SDCCAG8: variants seen among roughly 807,000 people sequenced by gnomAD.
SDCCAG8 encodes SHH signaling and ciliogenesis regulator SDCCAG8, also known as serologically defined colon cancer antigen 8.
Under a neutral mutation model 101.8 loss-of-function variants are expected in SDCCAG8, and 74 were observed. The ratio of observed to expected loss-of-function variants is 0.73; its 90% CI spans 0.60 to 0.88. The LOEUF is 0.88. Ranked by LOEUF, SDCCAG8 falls within the 40% of genes least tolerant of loss-of-function variation. The pLI is 0.00. For missense variants in SDCCAG8, 787 were observed against 822.6 expected (o/e 0.96, Z 0.53); for synonymous variants, 281 against 292.9 (o/e 0.96, Z 0.41).
chr1:243,299,650 G>T (rs2071298715), intron 6 of SDCCAG8, among the ~76,000 whole-genome samples: 1 of 152,112 alleles, frequency 6.6e-6, no homozygotes, highest in Admixed American at 6.6e-5. Context: ...CTAACCTCAG[G>T]TGATCCGCCT....
At chr1:243,272,652 A>G (rs2068188811) in intron 3 of SDCCAG8, among the ~76,000 whole-genome samples, 1 of 152,228 alleles carries the variant, frequency 6.6e-6, no homozygotes, top group Non-Finnish European at 1.5e-5. Flanking sequence ...GACCTTCACT[A>G]AGAGAATCAG....
chr1:243,388,047 T>G (rs2078428710), intron 13 of SDCCAG8, among the ~76,000 whole-genome samples: 1 of 152,160 alleles, frequency 6.6e-6, no homozygotes, highest in Non-Finnish European at 1.5e-5. Flanking sequence ...AAATTAATTG[T>G]TTGACCTCCC....
At chr1:243,406,446 A>G (rs1489063696) in intron 13 of SDCCAG8, among the ~76,000 whole-genome samples, 1 of 152,184 alleles carries the variant, frequency 6.6e-6, no homozygotes, top group East Asian at 1.9e-4. Context: ...GTATCTACCT[A>G]TGGTATCTAC....
rs1010363202 is a variant in SDCCAG8, at chr1:243,271,822, G to A, written c.306+759G>A. Among the ~76,000 whole-genome samples, 4 of 152,240 alleles carry A rather than the reference G, an allele frequency of 2.6e-5. No homozygotes were observed. The South Asian group carries it at 6.2e-4, about 24-fold the overall frequency. ...GCCTCCCAAAGCACCGGGATTATAG[G>A]TGTGAGCCACCGCGCCTGGCCTCAA... On this transcript the variant is annotated intron_variant, in intron 3 of 17. Transcript: ENST00000366541.
At chr1:243,419,406 G>A (rs1281662965) in intron 15 of SDCCAG8, among the ~76,000 whole-genome samples, 2 of 152,200 alleles carry the variant, frequency 1.3e-5, no homozygotes, top group East Asian at 3.8e-4. Flanking sequence ...TAATTTGTTA[G>A]AAGCAAACAA....
At chr1:243,491,356 C>T (rs1666369458) in intron 17 of SDCCAG8, among the ~76,000 whole-genome samples, 1 of 152,352 alleles carries the variant, frequency 6.6e-6, no homozygotes, top group Admixed American at 6.5e-5. Flanking sequence ...CAATGATTTG[C>T]CCATTCCTGT....
chr1:243,319,525 C>T lies in SDCCAG8; in HGVS notation c.1068+2632C>T, dbSNP rs563401708. The stretch of plus-strand genomic sequence containing the variant: ...AGTAGCTGGGATTACAGGCATGCGC[C>T]ACCATGCCTGGCTAATTTTGTTTTT... On this transcript the variant is annotated intron_variant, in intron 9 of 17. Transcript: ENST00000366541. Among the ~76,000 whole-genome samples the T allele has an allele frequency of 3.9e-5, 6 of 152,216 alleles. No homozygotes were observed. The East Asian group carries it at 1.2e-3, about 29-fold the overall frequency.
At chr1:243,376,756 A>C (rs1410334924) in intron 12 of SDCCAG8, among the ~76,000 whole-genome samples, 1 of 151,990 alleles carries the variant, frequency 6.6e-6, no homozygotes, top group African/African-American at 2.4e-5. Flanking sequence ...TCATGTCTGG[A>C]ATACTGCAAT....
chr1:243,496,549 G>C (rs184042287), intron 17 of SDCCAG8, among the ~76,000 whole-genome samples: 15 of 152,250 alleles, frequency 9.9e-5, no homozygotes, highest in Non-Finnish European at 1.9e-4. Flanking sequence ...CGGACAGCAG[G>C]GGGGGAAGGG....
At chr1:243,287,992 A>G (rs553047091) in intron 5 of SDCCAG8, among the ~76,000 whole-genome samples, 71 of 152,218 alleles carry the variant, frequency 4.7e-4, no homozygotes, top group Non-Finnish European at 6.0e-4. Flanking sequence ...CATAGAAAGG[A>G]TAAGGTTTTA....
intron 6 of SDCCAG8, among the ~76,000 whole-genome samples, chr1:243,303,574 C>G (rs541767813): frequency 3.6e-4 from 55 of 152,138 alleles, no homozygotes; most frequent in Non-Finnish European, 7.5e-4. Flanking sequence ...TTTATGAGGA[C>G]CCGCTTCCAT....
chr1:243,447,174 A>G (rs935417458), intron 16 of SDCCAG8, among the ~76,000 whole-genome samples: 1 of 131,836 alleles, frequency 7.6e-6, no homozygotes, highest in African/African-American at 2.8e-5. Context: ...ACTTGAATTC[A>G]GGAGGCAGAG....
intron 12 of SDCCAG8, among the ~76,000 whole-genome samples, chr1:243,358,579 T>G (rs920095722): frequency 6.6e-6 from 1 of 152,162 alleles, no homozygotes; most frequent in African/African-American, 2.4e-5. Context: ...CATAGAGATA[T>G]CATATGACCC....
At chr1:243,485,188 C>T (rs1481333355) in intron 16 of SDCCAG8, among the ~76,000 whole-genome samples, 1 of 152,160 alleles carries the variant, frequency 6.6e-6, no homozygotes, top group Non-Finnish European at 1.5e-5. Context: ...CGAGCTTTAC[C>T]GATTACTTGT....
chr1:243,389,210 A>G (rs929136983), intron 13 of SDCCAG8, among the ~76,000 whole-genome samples: 1 of 151,254 alleles, frequency 6.6e-6, no homozygotes, highest in African/African-American at 2.4e-5. Context: ...CCTCTAAGAA[A>G]TGGTTTCAAG....
intron 6 of SDCCAG8, among the ~76,000 whole-genome samples, chr1:243,296,128 T>A (rs796363470): frequency 2.6e-5 from 4 of 152,240 alleles, no homozygotes; most frequent in African/African-American, 9.6e-5. Flanking sequence ...CCCAAGTAGC[T>A]GAGACTACAG....
chr1:243,497,036 G>C (rs1351304413), intron 17 of SDCCAG8, among the ~76,000 whole-genome samples: 1 of 152,186 alleles, frequency 6.6e-6, no homozygotes, highest in African/African-American at 2.4e-5. Context: ...AGAAGGACGG[G>C]AGACACTGGC....
chr1:243,495,127 C>T (rs1341374471), intron 17 of SDCCAG8, among the ~76,000 whole-genome samples: 1 of 152,188 alleles, frequency 6.6e-6, no homozygotes. Flanking sequence ...AAACTCAGAC[C>T]CCACGGTTGG....
Position 243,259,138 on chromosome 1 carries a change from C to CGCCT in SDCCAG8, c.67+2900_67+2903dup, listed in dbSNP as rs2066993452. ...TCCTGGGGCCGGGCGTGGTGGCTCA[C>CGCCT]GCCTGTAATCCCAGCACTTTGGGAG... On this transcript the variant is annotated intron_variant, in intron 1 of 17. Transcript: ENST00000366541. Among the ~76,000 whole-genome samples, 3 of 152,258 alleles carry CGCCT rather than the reference C, an allele frequency of 2.0e-5. No homozygotes were observed. The South Asian group carries it at 6.2e-4, about 32-fold the overall frequency.
Sources: allele counts gnomAD v4.1 joint callset (sites outside exome capture counted in the v4.1 genomes callset), GRCh38; gene constraint gnomAD v4.1.1; transcripts MANE v1.5; gene names NCBI Gene and HGNC (gene_info 2026-07-23, HGNC 2026-07-21).